The following SLIT3 variants were observed in gnomAD, a reference collection of about 807,000 sequenced individuals.
The protein encoded by SLIT3 is slit guidance ligand 3, also known as slit homolog 3 protein.
Under a neutral mutation model 184.0 loss-of-function variants are expected in SLIT3, and 68 were observed. That is an observed-to-expected ratio of 0.37 (90% confidence interval 0.30 to 0.45). The LOEUF is 0.45. Among genes scored for constraint, SLIT3 ranks in the 20% least tolerant of loss-of-function variants. The probability of loss-of-function intolerance (pLI) is 1.00; values close to 1 mark genes in which losing one functional copy is unlikely to be tolerated. For missense variants in SLIT3, 1,707 were observed against 2,026.0 expected, an observed-to-expected ratio of 0.84 and a Z score of 3.02; for synonymous variants, 831 against 828.6, an observed-to-expected ratio of 1.00 and a Z score of -0.05.
intron 4 of SLIT3, among the ~76,000 whole-genome samples, chr5:169,074,707 T>G (rs773130284): frequency 6.6e-6 from 1 of 152,148 alleles, no homozygotes; most frequent in Non-Finnish European, 1.5e-5. Context: ...TCTGGCTCCT[T>G]TGTGTTTGGA....
At chr5:169,150,429 C>G (rs1762076390) in intron 4 of SLIT3, among the ~76,000 whole-genome samples, 2 of 151,992 alleles carry the variant, frequency 1.3e-5, no homozygotes, top group African/African-American at 4.8e-5. Context: ...TGGGCCTAAA[C>G]AAAGGTCTAA....
chr5:169,017,344 T>C (rs1756424354), intron 4 of SLIT3, among the ~76,000 whole-genome samples: 1 of 152,096 alleles, frequency 6.6e-6, no homozygotes, highest in East Asian at 1.9e-4. Context: ...TTCGACTCCT[T>C]CCCAATGCCC....
intron 4 of SLIT3, among the ~76,000 whole-genome samples, chr5:168,934,772 C>T (rs574092263): frequency 5.3e-5 from 8 of 152,178 alleles, no homozygotes; most frequent in Non-Finnish European, 1.2e-4. Context: ...TATTCCTGAA[C>T]ACTTATTGTG....
At chr5:169,233,748 T>A (rs6883702) in intron 3 of SLIT3, among the ~76,000 whole-genome samples, 13,181 of 152,232 alleles carry the variant, frequency 0.087, 927 homozygotes, top group East Asian at 0.18. Context: ...AATCTTTATA[T>A]CCATTCTTTT....
chr5:168,994,572 C>T (rs1755444942), intron 4 of SLIT3, among the ~76,000 whole-genome samples: 1 of 133,456 alleles, frequency 7.5e-6, no homozygotes, highest in Non-Finnish European at 1.5e-5. Flanking sequence ...TGGTTACAAA[C>T]AGAATAATAA....
chr5:169,021,555 TG>T (rs1341060292), intron 4 of SLIT3, among the ~76,000 whole-genome samples: 1 of 152,122 alleles, frequency 6.6e-6, no homozygotes, highest in African/African-American at 2.4e-5. Flanking sequence ...TTCACCATGT[TG>T]GCCAGGCTGG....
chr5:168,880,711 A>C (rs1419196782), intron 5 of SLIT3, among the ~76,000 whole-genome samples: 1 of 152,188 alleles, frequency 6.6e-6, no homozygotes, highest in Admixed American at 6.5e-5. Flanking sequence ...GTGTCAAGTA[A>C]TGTACTTAAC....
Position 168,696,345 on chromosome 5 carries a change from G to T in SLIT3, c.3029C>A (p.Thr1010Asn). The T allele has an allele frequency of 6.2e-7, 1 of 1,614,172 alleles. No individual in the cohort carries two copies. The highest frequency in any genetic ancestry group is 1.1e-5 in the South Asian group (1 of 91,082). ...GTAGTTGTTGATCCCGTCCACGCAG[G>T]TGGCATTGTTTTCGCAGTCGTTGTC... ...CEDNDCENNATCVDGINNYVC... is the reference protein window; with the variant it reads ...CEDNDCENNANCVDGINNYVC... Residue 1010 changes from threonine to asparagine, a missense_variant, in exon 28 of 36, where the codon ACC becomes AAC. Physicochemically the swap from Thr to Asn is moderately conservative, Grantham distance 65. This residue lies in a region of SLIT3 where 1,307 missense variants were observed against 1,511.6 expected (regional missense o/e 0.86). Transcript: ENST00000519560.
intron 4 of SLIT3, among the ~76,000 whole-genome samples, chr5:169,087,781 G>C (rs191410411): frequency 6.6e-6 from 1 of 152,226 alleles, no homozygotes; most frequent in East Asian, 1.9e-4. Context: ...AATGCCAGTA[G>C]TGACTGATGA....
At chr5:168,973,518 T>C (rs886689156) in intron 4 of SLIT3, among the ~76,000 whole-genome samples, 1 of 152,224 alleles carries the variant, frequency 6.6e-6, no homozygotes, top group Non-Finnish European at 1.5e-5. Context: ...AGTGCTAGGA[T>C]TATAGGCGTG....
At chr5:169,109,274 G>C (rs760731127) in intron 4 of SLIT3, among the ~76,000 whole-genome samples, 1 of 152,216 alleles carries the variant, frequency 6.6e-6, no homozygotes, top group Non-Finnish European at 1.5e-5. Flanking sequence ...ACTTGGCAAG[G>C]AACAGCAGGC....
chr5:169,255,884 CA>C (rs1765946050), intron 1 of SLIT3, among the ~76,000 whole-genome samples: 1 of 151,348 alleles, frequency 6.6e-6, no homozygotes, highest in Non-Finnish European at 1.5e-5. Flanking sequence ...CTCTGTCCCT[CA>C]AAAAAAAGTT....
chr5:168,741,042 A>G (rs555173152), intron 20 of SLIT3, among the ~76,000 whole-genome samples: 1 of 151,964 alleles, frequency 6.6e-6, no homozygotes, highest in South Asian at 2.1e-4. Context: ...CCAGGGCATG[A>G]CCCCAGCTCA....
chr5:169,206,639 A>G (rs1764075846), intron 3 of SLIT3, among the ~76,000 whole-genome samples: 1 of 152,234 alleles, frequency 6.6e-6, no homozygotes, highest in African/African-American at 2.4e-5. Context: ...TAGTTTGTGA[A>G]TGACAAATTT....
intron 4 of SLIT3, among the ~76,000 whole-genome samples, chr5:169,094,284 C>T (rs1415988903): frequency 2.0e-5 from 3 of 152,308 alleles, no homozygotes; most frequent in African/African-American, 2.4e-5. Context: ...TCCAAGGTCA[C>T]GGTGCTAATA....
intron 4 of SLIT3, among the ~76,000 whole-genome samples, chr5:169,081,192 T>G (rs949308072): frequency 6.6e-6 from 1 of 152,204 alleles, no homozygotes; most frequent in Non-Finnish European, 1.5e-5. Flanking sequence ...CAGGTTGAAC[T>G]CTGCCTCCCG....
intron 5 of SLIT3, among the ~76,000 whole-genome samples, chr5:168,867,743 A>G (rs1346705592): frequency 6.6e-6 from 1 of 152,132 alleles, no homozygotes; most frequent in Non-Finnish European, 1.5e-5. Context: ...CCACGATTAG[A>G]GTCGCTTTTT....
At chr5:168,758,783 C>A (rs1014238987) in intron 16 of SLIT3, among the ~76,000 whole-genome samples, 2 of 152,152 alleles carry the variant, frequency 1.3e-5, no homozygotes, top group Non-Finnish European at 2.9e-5. Flanking sequence ...CTACAGGGAA[C>A]TGATGGGTGG....
intron 20 of SLIT3, among the ~76,000 whole-genome samples, chr5:168,729,178 T>C (rs1196760214): frequency 1.3e-5 from 2 of 152,046 alleles, no homozygotes; most frequent in African/African-American, 4.8e-5. Context: ...ATTGTTGATA[T>C]TACCAAGGGG....
Sources: gnomAD v4.1 joint callset for allele counts (sites outside exome capture counted in the v4.1 genomes callset) on GRCh38, gnomAD v4.1.1 for gene constraint, gnomAD v4.1.1 regional missense constraint, MANE v1.5 for transcripts, NCBI Gene and HGNC (gene_info 2026-07-23, HGNC 2026-07-21) for gene names.